ZNF831: variants seen among roughly 807,000 people sequenced by gnomAD.
ZNF831 encodes the protein zinc finger protein 831, also known as chromosome 20 open reading frame 174.
ZNF831 carries 59 observed loss-of-function variants against 95.8 expected under a neutral mutation model. The ratio of observed to expected loss-of-function variants is 0.62; its 90% CI spans 0.50 to 0.77. The LOEUF is 0.77. ZNF831 is among the 30% of genes least tolerant of loss of function. The pLI, the probability that ZNF831 is intolerant of heterozygous loss-of-function variation, is 0.00. For missense variants in ZNF831, 2,205 were observed against 2,164.0 expected, an observed-to-expected ratio of 1.02 and a Z score of -0.38; for synonymous variants, 961 against 925.5, an observed-to-expected ratio of 1.04 and a Z score of -0.70.
chr20:59,178,104 G>A lies in ZNF831; in HGVS notation c.-36-12880G>A, dbSNP rs75799404. Among the ~76,000 whole-genome samples the A allele has an allele frequency of 2.3e-3, 353 of 152,316 alleles. 6 individuals carry two copies. The East Asian group carries it at 0.038, about 16-fold the overall frequency. On this transcript the variant is annotated intron_variant, in intron 1 of 5. Coordinates refer to ENST00000371030, the MANE Select transcript of ZNF831 (RefSeq NM_178457.3). ...CAAAAATACTGGAAACACTGGAGTC[G>A]TGTTTAGCAGTAGCTGTGAGGGCCA...
intron 1 of ZNF831, among the ~76,000 whole-genome samples, chr20:59,167,931 T>TA (rs926177115): frequency 1.3e-5 from 2 of 151,316 alleles, no homozygotes; most frequent in African/African-American, 4.9e-5. Flanking sequence ...TTTTTTTTTT[T>TA]AATTATTTTG....
In ZNF831 at chr20:59,218,273, G is replaced by C. The variant is rs767022014; in HGVS notation, c.4027+11217G>C. ...CACAAAGCTGGGGCTCCCAATATGAGAGCAGTGTTTCTTTTTTCAAGCTTT... is the reference window on the plus strand; with the variant it reads ...CACAAAGCTGGGGCTCCCAATATGACAGCAGTGTTTCTTTTTTCAAGCTTT... On this transcript the variant is annotated intron_variant, in intron 4 of 5. Transcript: ENST00000371030. 5.3e-5 allele frequency among the ~76,000 whole-genome samples: 8 copies of C among 152,242 alleles called. No homozygotes were observed. In the South Asian group the frequency reaches 6.2e-4, roughly 12 times the overall value.
At chr20:59,135,048 C>G (rs1190779844) in intron 1 of ZNF831, among the ~76,000 whole-genome samples, 1 of 152,140 alleles carries the variant, frequency 6.6e-6, no homozygotes, top group Admixed American at 6.5e-5. Context: ...CCTCTTTCAG[C>G]CTCTCGGTAG....
At chr20:59,238,291 A>C (rs1219771835) in intron 4 of ZNF831, among the ~76,000 whole-genome samples, 2 of 152,072 alleles carry the variant, frequency 1.3e-5, no homozygotes, top group Non-Finnish European at 2.9e-5. Flanking sequence ...CTGTTTTTCA[A>C]ACACTAAACT....
In ZNF831 at chr20:59,253,076, G is replaced by A. The variant is rs1342481557; in HGVS notation, c.4126G>A (p.Gly1376Arg). The A allele has an allele frequency of 3.7e-6, 6 of 1,614,028 alleles. No homozygotes were observed. The highest frequency in any genetic ancestry group is 1.1e-5 in the South Asian group (1 of 91,080). The change falls in exon 5 of 6, where the codon GGA becomes AGA. Residue 1376 changes from glycine (G) to arginine (R), a missense_variant. By Grantham distance (125) the Gly-to-Arg change is moderately radical. Transcript: ENST00000371030. ...KKEGDCRQTL[G>R]TLSLGTSSRI... ...GGAAGGTGACTGCAGACAAACCTTA[G>A]GAACCCTCTCTCTTGGTACAAGTTC...
At position 59,199,897 on chromosome 20, in the gene ZNF831, T is replaced by G. The variant is rs79101100; in HGVS notation, c.3875+3892T>G. ...TCATATTCTTTAGAATTTCCTTTATTAGAGAAGGAAATTCTCTTAGTTTTT... is the reference window on the plus strand; with the variant it reads ...TCATATTCTTTAGAATTTCCTTTATGAGAGAAGGAAATTCTCTTAGTTTTT... On this transcript the variant is annotated intron_variant, in intron 3 of 5. Transcript: ENST00000371030. Among the ~76,000 whole-genome samples the G allele has an allele frequency of 1.5e-4, 23 of 152,304 alleles. 1 individual carries two copies. The East Asian group carries it at 4.4e-3, about 29-fold the overall frequency.
At chr20:59,216,736 C>T (rs1476614619) in intron 4 of ZNF831, among the ~76,000 whole-genome samples, 1 of 152,144 alleles carries the variant, frequency 6.6e-6, no homozygotes, top group Non-Finnish European at 1.5e-5. Flanking sequence ...ACAGTGGAGG[C>T]TCACAGGACA....
chr20:59,230,924 C>T (rs1255244222), intron 4 of ZNF831, among the ~76,000 whole-genome samples: 5 of 152,216 alleles, frequency 3.3e-5, no homozygotes, highest in African/African-American at 1.2e-4. Context: ...CAGTCTGGGT[C>T]TATTATGGAA....
intron 1 of ZNF831, among the ~76,000 whole-genome samples, chr20:59,180,293 G>C (rs540537313): frequency 5.3e-5 from 8 of 152,078 alleles, no homozygotes; most frequent in Admixed American, 1.3e-4. Context: ...TCACTATGTT[G>C]CCCAGGCTGG....
chr20:59,137,336 C>T (rs1979541373), intron 1 of ZNF831, among the ~76,000 whole-genome samples: 1 of 151,248 alleles, frequency 6.6e-6, no homozygotes, highest in South Asian at 2.1e-4. Flanking sequence ...AATACCTTGC[C>T]TTTCTCACTA....
rs757250767 is a variant in ZNF831 at position 59,191,204 on chromosome 20, T to C, written c.185T>C (p.Leu62Pro). 2 of 1,573,684 alleles carry C rather than the reference T, an allele frequency of 1.3e-6. No individual in the cohort carries two copies. The highest frequency in any genetic ancestry group is 2.3e-5 in the South Asian group (2 of 85,740). ...TVFLKALPIP[L>P]YHTVPPGGLQ... ...TTCCTGAAGGCCCTGCCCATCCCAC[T>C]GTACCACACGGTGCCTCCCGGGGGC... The change falls in exon 2 of 6, where the codon CTG becomes CCG. Residue 62 changes from leucine (L) to proline (P), a missense_variant. Physicochemically the swap from Leu to Pro is moderately conservative, Grantham distance 98. Transcript: ENST00000371030.
intron 4 of ZNF831, among the ~76,000 whole-genome samples, chr20:59,227,895 A>C (rs1193906456): frequency 6.6e-6 from 1 of 152,168 alleles, no homozygotes; most frequent in African/African-American, 2.4e-5. Context: ...ACTTTACTGG[A>C]GGTTACAGGA....
chr20:59,246,064 A>C (rs1987583703), intron 4 of ZNF831, among the ~76,000 whole-genome samples: 1 of 152,240 alleles, frequency 6.6e-6, no homozygotes, highest in Admixed American at 6.5e-5. Flanking sequence ...TTGTTTGTTC[A>C]TCACGGGCCT....
intron 4 of ZNF831, among the ~76,000 whole-genome samples, 168 bp downstream of exon 4, chr20:59,207,224 C>T (rs1005127963): frequency 1.3e-5 from 2 of 152,156 alleles, no homozygotes; most frequent in East Asian, 1.9e-4. Context: ...ATCAAAGTGA[C>T]CCTAAACTAG....
intron 4 of ZNF831, among the ~76,000 whole-genome samples, chr20:59,219,275 T>C (rs760139839): frequency 4.5e-4 from 69 of 152,256 alleles, no homozygotes; most frequent in Middle Eastern, 3.4e-3. Context: ...CCAAGACACC[T>C]TTGTGAGACA....
upstream of ZNF831, among the ~76,000 whole-genome samples, chr20:59,161,880 C>A (rs548965834): frequency 6.6e-5 from 10 of 152,324 alleles, no homozygotes; most frequent in Non-Finnish European, 1.0e-4. Flanking sequence ...TTCCCACCAA[C>A]AATGTGTGAG....
chr20:59,196,078 C>G, intron 3 of ZNF831, 73 bp downstream of exon 3: 1 of 1,556,452 alleles, frequency 6.4e-7, no homozygotes. Context: ...TGAAAGGTAT[C>G]CGTGTGCTCC....
At chr20:59,252,457 C>T (rs1435606253) in intron 4 of ZNF831, among the ~76,000 whole-genome samples, 1 of 152,090 alleles carries the variant, frequency 6.6e-6, no homozygotes, top group African/African-American at 2.4e-5. Flanking sequence ...TGTCAGGGCC[C>T]TTCTTTCCTT....
chr20:59,255,439 G>T lies in ZNF831; in HGVS notation c.*696G>T, dbSNP rs1002621015. 1 of 152,260 alleles carries T rather than the reference G, an allele frequency of 6.6e-6. No individual in the cohort carries two copies. Among genetic ancestry groups the T allele is most frequent in the Non-Finnish European group, 1.5e-5 (1 of 68,050 alleles). 9.4% of individuals were successfully genotyped at this position (152,260 alleles called of 1,614,324 possible). A position where few individuals can be genotyped will look rare whatever the true frequency, so the allele number is the denominator to read the frequency against. ...GGTCAATGCTTATTTATGGTCAGATGATGCAAGCACATGCTCTTGTGCCTG... is the reference window on the plus strand; with the variant it reads ...GGTCAATGCTTATTTATGGTCAGATTATGCAAGCACATGCTCTTGTGCCTG... On this transcript the variant is annotated 3_prime_UTR_variant, in exon 6 of 6. Transcript: ENST00000371030.
Sources: gnomAD v4.1 joint callset for allele counts (sites outside exome capture counted in the v4.1 genomes callset) on GRCh38, gnomAD v4.1.1 for gene constraint, MANE v1.5 for transcripts, NCBI Gene and HGNC (gene_info 2026-07-23, HGNC 2026-07-21) for gene names.